Variants in NTRK3 observed in about 807,000 individuals in gnomAD.
The protein encoded by NTRK3 is neurotrophic receptor tyrosine kinase 3.
A neutral mutation model predicts 91.7 loss-of-function variants in NTRK3; 24 were observed. The ratio of observed to expected loss-of-function variants is 0.26; its 90% CI spans 0.19 to 0.37. NTRK3 has a LOEUF of 0.37. NTRK3 is among the 10% of genes least tolerant of loss of function. NTRK3 has a pLI of 1.00. For synonymous variants in NTRK3, 483 were observed against 404.0 expected (o/e 1.20, Z -2.34); for missense variants, 880 against 1,068.9 (o/e 0.82, Z 2.46).
At chr15:88,150,201 C>G (rs983448120) in intron 5 of NTRK3, among the ~76,000 whole-genome samples, 1 of 152,152 alleles carries the variant, frequency 6.6e-6, no homozygotes, top group Non-Finnish European at 1.5e-5. Context: ...CAGGAGCAGT[C>G]CAGGTGAAAT....
At chr15:88,056,112 G>T (rs534807158) in intron 13 of NTRK3, among the ~76,000 whole-genome samples, 1 of 150,358 alleles carries the variant, frequency 6.7e-6, no homozygotes, top group African/African-American at 2.4e-5. Context: ...GCCTCCTGGA[G>T]CTCTCAACTG....
At chr15:88,044,220 T>G (rs2079922976) in intron 13 of NTRK3, among the ~76,000 whole-genome samples, 1 of 150,438 alleles carries the variant, frequency 6.6e-6, no homozygotes, top group Admixed American at 6.6e-5. Context: ...TAGGTAGCAG[T>G]GTCCTGGAGC....
exon 19 of NTRK3, chr15:87,864,788 AGCG>A (rs2064619257): frequency 4.4e-6 from 1 of 229,168 alleles, no homozygotes; most frequent in African/African-American, 2.2e-5. Flanking sequence ...ACGTCTCAAA[AGCG>A]GCTCTCAGTC....
chr15:88,029,523 G>A (rs1333085968), intron 14 of NTRK3, among the ~76,000 whole-genome samples: 1 of 152,202 alleles, frequency 6.6e-6, no homozygotes, highest in African/African-American at 2.4e-5. Context: ...CATCACTGGG[G>A]GGATGGGGAA....
chr15:88,073,364 C>T (rs746534515), intron 13 of NTRK3, among the ~76,000 whole-genome samples: 5 of 152,174 alleles, frequency 3.3e-5, no homozygotes, highest in Non-Finnish European at 7.4e-5. Context: ...AGGTCAGCAG[C>T]AGCAGCATCA....
intron 3 of NTRK3, among the ~76,000 whole-genome samples, chr15:88,197,691 G>A (rs2047953012): frequency 6.6e-6 from 1 of 152,188 alleles, no homozygotes; most frequent in South Asian, 2.1e-4. Context: ...TGGGACCTGT[G>A]TAAATGGCTT....
intron 17 of NTRK3, among the ~76,000 whole-genome samples, chr15:87,919,577 T>C (rs1450055767): frequency 1.3e-5 from 2 of 152,184 alleles, no homozygotes; most frequent in Admixed American, 1.3e-4. Context: ...TATAAAATGC[T>C]CTAGAAAGGG....
intron 17 of NTRK3, chr15:87,916,295 C>T: frequency 2.5e-6 from 1 of 400,712 alleles, no homozygotes; most frequent in Non-Finnish European, 4.5e-6. Context: ...GTTATATATT[C>T]AGTTTGTCTC....
At chr15:88,187,802 T>C (rs1197154414) in intron 3 of NTRK3, among the ~76,000 whole-genome samples, 4 of 151,714 alleles carry the variant, frequency 2.6e-5, no homozygotes, top group African/African-American at 9.7e-5. Context: ...GGTATGGTGG[T>C]GGGCGCCTGT....
At chr15:87,896,542 C>G (rs1482694924) in intron 17 of NTRK3, among the ~76,000 whole-genome samples, 2 of 151,620 alleles carry the variant, frequency 1.3e-5, no homozygotes, top group Non-Finnish European at 2.9e-5. Context: ...GAGTTTGACT[C>G]CATTCATCGA....
chr15:88,244,215 A>G (rs747273968), intron 3 of NTRK3, among the ~76,000 whole-genome samples: 1 of 152,192 alleles, frequency 6.6e-6, no homozygotes, highest in Non-Finnish European at 1.5e-5. Context: ...CCAGAAAGAG[A>G]TAGATGGCCA....
At chr15:87,877,205 C>A (rs959206328) in intron 18 of NTRK3, 85 bp from the exon 20 acceptor site, 27 of 1,409,216 alleles carry the variant, frequency 1.9e-5, no homozygotes, top group Non-Finnish European at 2.6e-5. Flanking sequence ...GCAACAACTT[C>A]CCGGATTAGT....
intron 14 of NTRK3, among the ~76,000 whole-genome samples, chr15:88,022,666 G>C (rs1199869863): frequency 6.6e-6 from 1 of 152,034 alleles, no homozygotes; most frequent in East Asian, 1.9e-4. Context: ...TCAGCTTTTG[G>C]GTGCAGCTTC....
At chr15:87,962,840 T>C (rs2072430585) in intron 14 of NTRK3, among the ~76,000 whole-genome samples, 1 of 152,208 alleles carries the variant, frequency 6.6e-6, no homozygotes, top group South Asian at 2.1e-4. Context: ...TCACGCTTGG[T>C]TAACCCTCTG....
chr15:88,015,356 G>GGA lies in NTRK3; in HGVS notation c.1585+17499_1585+17500dup, dbSNP rs2077156002. 2.0e-5 allele frequency among the ~76,000 whole-genome samples: 3 copies of GGA among 152,188 alleles called. No homozygotes were observed. In the East Asian group the frequency reaches 5.8e-4, roughly 29 times the overall value. On this transcript the variant is annotated intron_variant, in intron 14 of 18. Coordinates refer to ENST00000394480, the Ensembl canonical transcript of NTRK3. ...AGACCTGCTCCCTCCACCCCGGGAG[G>GGA]GAGTCCTTCTCTGGTCACTCACCTC...
intron 14 of NTRK3, among the ~76,000 whole-genome samples, chr15:88,028,916 C>T (rs1017543682): frequency 5.3e-5 from 8 of 152,222 alleles, no homozygotes; most frequent in South Asian, 4.1e-4. Context: ...GTCCAGCCCT[C>T]ATCCATGAAC....
At chr15:87,902,330 C>A (rs934068796) in intron 17 of NTRK3, among the ~76,000 whole-genome samples, 29 of 152,202 alleles carry the variant, frequency 1.9e-4, no homozygotes, top group African/African-American at 6.8e-4. Flanking sequence ...GATGGCAAGG[C>A]CTCCCTGACG....
intron 14 of NTRK3, 121 bp from the exon 15 acceptor site, chr15:87,940,874 C>T (rs2069769448): frequency 3.9e-6 from 5 of 1,285,420 alleles, no homozygotes; most frequent in Non-Finnish European, 5.6e-6. Context: ...CAGGCAAAGG[C>T]AAACTCTAGC....
At chr15:88,215,344 G>A (rs2049661640) in intron 3 of NTRK3, among the ~76,000 whole-genome samples, 1 of 152,200 alleles carries the variant, frequency 6.6e-6, no homozygotes, top group African/African-American at 2.4e-5. Context: ...GGCAAACACG[G>A]CCCCCCACTG....
Sources: gnomAD v4.1 joint callset for allele counts (sites outside exome capture counted in the v4.1 genomes callset) on GRCh38, gnomAD v4.1.1 for gene constraint, MANE v1.5 for transcripts, NCBI Gene and HGNC (gene_info 2026-07-23, HGNC 2026-07-21) for gene names.